The following KAZN variants were observed in gnomAD, a reference collection of about 807,000 sequenced individuals.
The protein encoded by KAZN is kazrin, periplakin interacting protein.
A neutral mutation model predicts 87.4 loss-of-function variants in KAZN; 40 were observed. The ratio of observed to expected loss-of-function variants is 0.46; its 90% CI spans 0.36 to 0.60. The LOEUF (loss-of-function observed/expected upper bound fraction) is 0.60, where lower values mean the gene tolerates loss of function less well. KAZN is among the 20% of genes least tolerant of loss of function. The probability of loss-of-function intolerance (pLI) is 0.00; values close to 1 mark genes in which losing one functional copy is unlikely to be tolerated. For synonymous variants in KAZN, 466 were observed against 458.3 expected (o/e 1.02, Z -0.22); for missense variants, 898 against 1,073.9 (o/e 0.84, Z 2.29).
chr1:14,501,116 TAAATAAATAAATAAAA>T (rs1670223045), intron 2 of KAZN, among the ~76,000 whole-genome samples: 1 of 117,804 alleles, frequency 8.5e-6, no homozygotes, highest in South Asian at 2.6e-4. Context: ...AATAAATAAA[TAAATAAATAAATAAAA>T]ATAATAATAA....
At chr1:14,659,496 G>A (rs764971137) in intron 1 of KAZN, among the ~76,000 whole-genome samples, 6 of 152,130 alleles carry the variant, frequency 3.9e-5, no homozygotes, top group Non-Finnish European at 8.8e-5. Flanking sequence ...AGTCCAAAGA[G>A]TTCCTTTTCC....
chr1:13,896,919 C>A (rs1639066464), intron 1 of KAZN, among the ~76,000 whole-genome samples: 1 of 152,046 alleles, frequency 6.6e-6, no homozygotes, highest in Admixed American at 6.6e-5. Flanking sequence ...GGAGGCAGGG[C>A]AAAATTGGGC....
chr1:14,961,983 C>G (rs1373377550), intron 2 of KAZN, among the ~76,000 whole-genome samples: 1 of 152,246 alleles, frequency 6.6e-6, no homozygotes, highest in African/African-American at 2.4e-5. Context: ...TTTGCAAGAG[C>G]TTGGTCATGT....
chr1:13,937,486 T>C (rs1640783466), intron 1 of KAZN, among the ~76,000 whole-genome samples: 1 of 152,258 alleles, frequency 6.6e-6, no homozygotes, highest in Non-Finnish European at 1.5e-5. Flanking sequence ...GTCTGTTTAC[T>C]CTGTTGATTA....
intron 1 of KAZN, among the ~76,000 whole-genome samples, chr1:14,652,825 A>T (rs1374029243): frequency 6.6e-6 from 1 of 151,962 alleles, no homozygotes; most frequent in Admixed American, 6.6e-5. Context: ...AATGATTTTC[A>T]AGTTGGGGAG....
intron 1 of KAZN, among the ~76,000 whole-genome samples, chr1:13,969,439 T>A (rs929174723): frequency 2.0e-5 from 3 of 152,168 alleles, no homozygotes; most frequent in Admixed American, 6.5e-5. Context: ...GGATGATGCC[T>A]CTACAAGCCA....
At chr1:14,099,685 TA>T (rs1208688059) in intron 1 of KAZN, among the ~76,000 whole-genome samples, 1 of 152,184 alleles carries the variant, frequency 6.6e-6, no homozygotes. Flanking sequence ...GCCCAATAGA[TA>T]AGGCACCAAA....
intron 2 of KAZN, among the ~76,000 whole-genome samples, chr1:14,182,243 G>C (rs541202493): frequency 6.6e-6 from 1 of 152,098 alleles, no homozygotes. Context: ...AGTGGGATAT[G>C]GTGGATATTC....
intron 2 of KAZN, among the ~76,000 whole-genome samples, chr1:14,447,208 C>CGTT (rs1553173693): frequency 6.1e-5 from 8 of 131,182 alleles, no homozygotes; most frequent in Non-Finnish European, 1.3e-4. Context: ...GTTTCCACCA[C>CGTT]ATTATTATTA....
chr1:14,586,436 T>C (rs1336147432), intron 2 of KAZN, among the ~76,000 whole-genome samples: 2 of 151,748 alleles, frequency 1.3e-5, no homozygotes, highest in African/African-American at 2.4e-5. Flanking sequence ...GTGTAGGTCA[T>C]CTGGGCAAGT....
intron 2 of KAZN, among the ~76,000 whole-genome samples, chr1:14,417,011 TACACAC>T (rs58667891): frequency 0.025 from 3,674 of 145,560 alleles, 114 homozygotes; most frequent in East Asian, 0.093. Flanking sequence ...TATATATATG[TACACAC>T]ACACACACAC....
chr1:14,762,966 C>T (rs764313519), intron 1 of KAZN, among the ~76,000 whole-genome samples: 1 of 152,158 alleles, frequency 6.6e-6, no homozygotes, highest in Non-Finnish European at 1.5e-5. Context: ...AACACTCATC[C>T]GGTGACATTT....
chr1:14,347,549 CTTTT>C (rs1233086865), intron 2 of KAZN, among the ~76,000 whole-genome samples: 2 of 152,196 alleles, frequency 1.3e-5, no homozygotes, highest in Non-Finnish European at 2.9e-5. Flanking sequence ...CCATAGCTTT[CTTTT>C]GTTAGATTAG....
chr1:15,005,742 C>T (rs1668939468), intron 2 of KAZN, among the ~76,000 whole-genome samples: 2 of 151,628 alleles, frequency 1.3e-5, no homozygotes, highest in Admixed American at 6.6e-5. Context: ...GAGGTGAGAT[C>T]GTGCCACTGC....
chr1:15,097,662 T>C lies in KAZN; in HGVS notation c.1547+2729T>C, dbSNP rs573221638. On this transcript the variant is annotated intron_variant, in intron 10 of 14. Transcript: ENST00000376030. ...GGTGAAACCCTGTCTCTACTAAAAA[T>C]AGAAAAATTAGTAGGCGTGGTGGTG... 2.6e-5 allele frequency among the ~76,000 whole-genome samples: 4 copies of C among 152,152 alleles called. No individual in the cohort carries two copies. The South Asian group carries it at 6.2e-4, about 24-fold the overall frequency.
intron 2 of KAZN, among the ~76,000 whole-genome samples, chr1:14,386,719 T>A (rs1340756110): frequency 6.6e-6 from 1 of 152,102 alleles, no homozygotes; most frequent in African/African-American, 2.4e-5. Context: ...GAGGGTAACA[T>A]GACCTTTCTC....
Position 15,103,960 on chromosome 1 carries a change from G to C in KAZN, c.1882-63G>C, listed in dbSNP as rs562669509. Reference sequence around the variant, plus strand: ...GGGGACAGAGCCCCACGTGGAACTGGGGCCCCCTTAGGCCAGCAGCATGGC... The same window carrying C: ...GGGGACAGAGCCCCACGTGGAACTGCGGCCCCCTTAGGCCAGCAGCATGGC... On this transcript the variant is annotated intron_variant, in intron 12 of 14. Coordinates refer to ENST00000376030, the MANE Select transcript of KAZN (RefSeq NM_201628.3). 2.5e-5 allele frequency: 38 copies of C among 1,538,058 alleles called. No homozygotes were observed. In the African/African-American group the frequency reaches 4.9e-4, roughly 20 times the overall value.
At chr1:14,284,447 C>T (rs796074268) in intron 2 of KAZN, among the ~76,000 whole-genome samples, 1 of 102,512 alleles carries the variant, frequency 9.8e-6, no homozygotes, top group African/African-American at 2.7e-5. Flanking sequence ...TGTGGTGAGC[C>T]CCGGGTTCCA....
chr1:14,835,277 A>G (rs1470033999), intron 1 of KAZN, among the ~76,000 whole-genome samples: 1 of 152,332 alleles, frequency 6.6e-6, no homozygotes, highest in East Asian at 1.9e-4. Context: ...CATCTGTGAC[A>G]AGCTCTAAAT....
Sources: gnomAD v4.1 joint callset for allele counts (sites outside exome capture counted in the v4.1 genomes callset) on GRCh38, gnomAD v4.1.1 for gene constraint, MANE v1.5 for transcripts, NCBI Gene and HGNC (gene_info 2026-07-23, HGNC 2026-07-21) for gene names.